NPAS3: variants seen among roughly 807,000 people sequenced by gnomAD.
The protein encoded by NPAS3 is neuronal PAS domain protein 3, also known as neuronal PAS domain-containing protein 3.
NPAS3 carries 14 observed loss-of-function variants against 73.1 expected under a neutral mutation model. That is an observed-to-expected ratio of 0.19 (90% CI 0.13 to 0.30). NPAS3 has a LOEUF of 0.30. NPAS3 is among the 10% of genes least tolerant of loss of function. NPAS3 has a pLI of 1.00. For synonymous variants in NPAS3, 620 were observed against 541.5 expected (o/e 1.14, Z -2.01); for missense variants, 1,096 against 1,250.0 (o/e 0.88, Z 1.86).
At chr14:33,548,282 C>T (rs975451960) in intron 4 of NPAS3, among the ~76,000 whole-genome samples, 44 of 152,082 alleles carry the variant, frequency 2.9e-4, no homozygotes, top group Non-Finnish European at 1.5e-4. Flanking sequence ...AGATGTAGAC[C>T]GTCATTCATC....
At chr14:33,718,612 A>G (rs1393388391) in intron 6 of NPAS3, among the ~76,000 whole-genome samples, 1 of 150,040 alleles carries the variant, frequency 6.7e-6, no homozygotes, top group African/African-American at 2.4e-5. Flanking sequence ...TTTTTCCAGT[A>G]TTAATCAGAT....
At chr14:33,600,403 A>G (rs907046482) in intron 5 of NPAS3, among the ~76,000 whole-genome samples, 5 of 152,178 alleles carry the variant, frequency 3.3e-5, no homozygotes, top group African/African-American at 1.2e-4. Flanking sequence ...TTGTAGATTC[A>G]TATTTTTCTG....
At chr14:33,457,198 G>A (rs2050061657) in intron 4 of NPAS3, among the ~76,000 whole-genome samples, 1 of 152,182 alleles carries the variant, frequency 6.6e-6, no homozygotes, top group Non-Finnish European at 1.5e-5. Flanking sequence ...AAAGTGTTCT[G>A]TATCCTGGAT....
chr14:33,115,586 A>T lies in NPAS3; in HGVS notation c.140+59592A>T, dbSNP rs2043036346. Among the ~76,000 whole-genome samples, 3 of 152,188 alleles carry T rather than the reference A, an allele frequency of 2.0e-5. No individual in the cohort carries two copies. The South Asian group carries it at 6.2e-4, about 32-fold the overall frequency. Reference sequence around the variant, plus strand: ...AGAAGGTGTTCCATCTTAACTAGAGACATTGAGTAAAGAAAGTACCTAGAA... The same window carrying T: ...AGAAGGTGTTCCATCTTAACTAGAGTCATTGAGTAAAGAAAGTACCTAGAA... On this transcript the variant is annotated intron_variant, in intron 2 of 11. Coordinates refer to ENST00000356141, the Ensembl canonical transcript of NPAS3.
At chr14:33,216,220 T>A (rs1271446997) in intron 3 of NPAS3, among the ~76,000 whole-genome samples, 1 of 152,168 alleles carries the variant, frequency 6.6e-6, no homozygotes, top group Non-Finnish European at 1.5e-5. Context: ...GTTCAAATCG[T>A]GTATCTAGAC....
intron 5 of NPAS3, among the ~76,000 whole-genome samples, chr14:33,567,447 G>A (rs773397472): frequency 3.3e-5 from 5 of 152,198 alleles, no homozygotes; most frequent in African/African-American, 4.8e-5. Context: ...GAAAATTGAT[G>A]CCTTTTTTAT....
chr14:33,336,782 A>C (rs2044247306), intron 3 of NPAS3, among the ~76,000 whole-genome samples: 2 of 152,230 alleles, frequency 1.3e-5, no homozygotes, highest in Admixed American at 1.3e-4. Context: ...GAGAGTGAGA[A>C]TCTTGGAAGC....
chr14:33,077,494 T>C (rs139635710), intron 2 of NPAS3, among the ~76,000 whole-genome samples: 94 of 152,312 alleles, frequency 6.2e-4, no homozygotes, highest in African/African-American at 2.2e-3. Context: ...AGCAGTGAGC[T>C]CATTGGATGA....
chr14:33,215,980 A>G (rs2047209081), intron 3 of NPAS3, among the ~76,000 whole-genome samples: 1 of 152,236 alleles, frequency 6.6e-6, no homozygotes, highest in Non-Finnish European at 1.5e-5. Context: ...TCCTTGATGC[A>G]GTTACTCTTA....
At chr14:33,447,240 G>GTTAGGGT (rs1404210374) in intron 4 of NPAS3, among the ~76,000 whole-genome samples, 1 of 152,192 alleles carries the variant, frequency 6.6e-6, no homozygotes, top group Non-Finnish European at 1.5e-5. Flanking sequence ...TTATGGGTGG[G>GTTAGGGT]TAAGATGTCA....
intron 4 of NPAS3, among the ~76,000 whole-genome samples, chr14:33,418,696 G>C (rs934698607): frequency 6.6e-6 from 1 of 151,808 alleles, no homozygotes; most frequent in Non-Finnish European, 1.5e-5. Flanking sequence ...AGATGGGAGA[G>C]AAATGCTTAG....
At chr14:33,222,554 A>G (rs899428953) in intron 3 of NPAS3, among the ~76,000 whole-genome samples, 15 of 152,110 alleles carry the variant, frequency 9.9e-5, no homozygotes, top group African/African-American at 3.4e-4. Context: ...TTGTTACATT[A>G]TTCTGTTGGT....
intron 3 of NPAS3, among the ~76,000 whole-genome samples, chr14:33,337,305 A>G (rs4982072): frequency 0.79 from 119,380 of 151,970 alleles, 47,509 homozygotes; most frequent in African/African-American, 0.92. Flanking sequence ...TATACTTTTG[A>G]CATACATGTA....
At chr14:33,423,696 T>A (rs973283839) in intron 4 of NPAS3, among the ~76,000 whole-genome samples, 2 of 151,992 alleles carry the variant, frequency 1.3e-5, no homozygotes, top group African/African-American at 4.8e-5. Context: ...AAGTTCTTCA[T>A]GTATATTTTA....
chr14:33,051,599 A>C (rs2040713630), intron 1 of NPAS3, among the ~76,000 whole-genome samples: 1 of 152,202 alleles, frequency 6.6e-6, no homozygotes, highest in Non-Finnish European at 1.5e-5. Context: ...TGAAAATACT[A>C]GTCACTGTCA....
chr14:33,174,844 C>T (rs115217569), intron 2 of NPAS3, among the ~76,000 whole-genome samples: 425 of 152,226 alleles, frequency 2.8e-3, no homozygotes, highest in African/African-American at 9.8e-3. Flanking sequence ...GAGCTAGCAG[C>T]GATGGCGGGA....
intron 3 of NPAS3, among the ~76,000 whole-genome samples, chr14:33,240,085 A>G (rs2048167262): frequency 1.3e-5 from 2 of 151,892 alleles, no homozygotes; most frequent in Non-Finnish European, 2.9e-5. Context: ...TGCACAATGT[A>G]ATTCTTTCTA....
chr14:33,088,357 A>G (rs930374935), intron 2 of NPAS3, among the ~76,000 whole-genome samples: 3 of 152,190 alleles, frequency 2.0e-5, no homozygotes, highest in Non-Finnish European at 4.4e-5. Context: ...CGCTTTTCCA[A>G]TGGTCTTAGC....
rs146571623 is a variant in NPAS3 at position 33,800,190 on chromosome 14, C to A, written c.1883C>A (p.Ala628Glu). ...GCGTCGAGCCCAGGCGGCCTGGACG[C>A]GGGCCTGGTGGAGCCCCCGCGGCTG... is the stretch of plus-strand genomic sequence containing the variant. Residue 628 changes from alanine to glutamate, a missense_variant, in exon 12 of 12, where the codon GCG becomes GAG. Ala to Glu is a moderately radical substitution (Grantham distance 107). Transcript: ENST00000356141. This position sits in a 1 kb window ranked among gnomAD's most constrained non-coding sequence, Gnocchi z 6.5. The A allele has an allele frequency of 2.5e-6, 4 of 1,611,414 alleles. No homozygotes were observed. In the African/African-American group the frequency reaches 4.0e-5, roughly 16 times the overall value.
Sources: gnomAD v4.1 joint callset for allele counts (sites outside exome capture counted in the v4.1 genomes callset) on GRCh38, gnomAD v4.1.1 for gene constraint, Gnocchi (gnomAD v3.1) non-coding constraint, MANE v1.5 for transcripts, NCBI Gene and HGNC (gene_info 2026-07-23, HGNC 2026-07-21) for gene names.